The following RSPO3 variants were observed in gnomAD, a reference collection of about 807,000 sequenced individuals.
The protein encoded by RSPO3 is R-spondin 3.
RSPO3 carries 17 observed loss-of-function variants against 36.5 expected under a neutral mutation model. The ratio of observed to expected loss-of-function variants is 0.47; its 90% CI spans 0.32 to 0.70. RSPO3 has a LOEUF of 0.70. Among genes scored for constraint, RSPO3 ranks in the 30% least tolerant of loss-of-function variants. The pLI, the probability that RSPO3 is intolerant of heterozygous loss-of-function variation, is 0.04. For missense variants in RSPO3, 294 were observed against 322.5 expected (o/e 0.91, Z 0.68); for synonymous variants, 108 against 107.0 (o/e 1.01, Z -0.06).
intron 1 of RSPO3, among the ~76,000 whole-genome samples, chr6:127,128,503 G>C (rs1462834487): frequency 6.6e-6 from 1 of 152,080 alleles, no homozygotes; most frequent in East Asian, 1.9e-4. Context: ...GAGAAATATT[G>C]TAAGAGCCTT....
At chr6:127,138,683 A>T (rs747523996) in intron 1 of RSPO3, among the ~76,000 whole-genome samples, 5 of 152,174 alleles carry the variant, frequency 3.3e-5, no homozygotes, top group Non-Finnish European at 7.4e-5. Flanking sequence ...GTTACAGATG[A>T]GGAAACCTAG....
chr6:127,181,636 G>A (rs1004616531), intron 4 of RSPO3, among the ~76,000 whole-genome samples: 4 of 151,712 alleles, frequency 2.6e-5, no homozygotes, highest in Admixed American at 2.0e-4. Flanking sequence ...ATTAAGGGTG[G>A]GCAAGATGTA....
chr6:127,135,121 C>A (rs543732350), intron 1 of RSPO3, among the ~76,000 whole-genome samples: 1 of 152,200 alleles, frequency 6.6e-6, no homozygotes, highest in African/African-American at 2.4e-5. Flanking sequence ...ATCAGAGGCC[C>A]AATAAGATTG....
intron 4 of RSPO3, among the ~76,000 whole-genome samples, chr6:127,183,014 A>G (rs982777326): frequency 2.0e-5 from 3 of 151,944 alleles, no homozygotes; most frequent in Non-Finnish European, 4.4e-5. Flanking sequence ...CTCTTCCTCT[A>G]TTTCTCTTGT....
intron 1 of RSPO3, among the ~76,000 whole-genome samples, chr6:127,124,448 T>TTTGACTTG (rs1186522630): frequency 2.0e-4 from 31 of 152,102 alleles, no homozygotes; most frequent in African/African-American, 7.2e-4. Flanking sequence ...CAAGACAGTG[T>TTTGACTTG]GTTGAAATTA....
chr6:127,138,983 T>A (rs1322773565), intron 1 of RSPO3, among the ~76,000 whole-genome samples: 1 of 152,126 alleles, frequency 6.6e-6, no homozygotes, highest in Non-Finnish European at 1.5e-5. Flanking sequence ...CATTTCTGAA[T>A]GAGGTCACAA....
intron 4 of RSPO3, among the ~76,000 whole-genome samples, chr6:127,165,739 T>G (rs1246026274): frequency 4.6e-5 from 7 of 151,990 alleles, no homozygotes; most frequent in Non-Finnish European, 1.0e-4. Flanking sequence ...AAACTAATAT[T>G]TAATATTTGC....
chr6:127,144,589 C>T (rs946972582), intron 1 of RSPO3, among the ~76,000 whole-genome samples: 31 of 149,092 alleles, frequency 2.1e-4, no homozygotes, highest in Non-Finnish European at 4.4e-4. Context: ...TACCAAATGT[C>T]CCCTATTTTG....
Position 127,180,496 on chromosome 6 carries a change from A to C in RSPO3, c.635-15327A>C, listed in dbSNP as rs1388698847. Among the ~76,000 whole-genome samples, 31 of 148,372 alleles carry C rather than the reference A, an allele frequency of 2.1e-4. No individual in the cohort carries two copies. The East Asian group carries it at 5.4e-3, about 26-fold the overall frequency. On this transcript the variant is annotated intron_variant, in intron 4 of 4. Transcript: ENST00000356698. ...AATATCTGGAAGAAAACAAAAAAAA[A>C]AAAAAAAAAAAAAAAAAAACCACCA... is the stretch of plus-strand genomic sequence containing the variant.
chr6:127,189,010 ATAGAGCTTC>A (rs1582815891), intron 4 of RSPO3, among the ~76,000 whole-genome samples: 1 of 152,164 alleles, frequency 6.6e-6, no homozygotes, highest in East Asian at 1.9e-4. Context: ...CAGGGGTTGA[ATAGAGCTTC>A]TAGGCACCGT....
chr6:127,170,797 T>G (rs1774920487), intron 4 of RSPO3, among the ~76,000 whole-genome samples: 1 of 151,832 alleles, frequency 6.6e-6, no homozygotes, highest in African/African-American at 2.4e-5. Flanking sequence ...AAATACTATA[T>G]GATTTTACTT....
chr6:127,125,747 G>C (rs538126350), intron 1 of RSPO3, among the ~76,000 whole-genome samples: 1 of 152,066 alleles, frequency 6.6e-6, no homozygotes, highest in South Asian at 2.1e-4. Flanking sequence ...ATTTTTTATT[G>C]TCTGAAAACC....
rs1010198671 is a variant in RSPO3, at chr6:127,122,871, G to T, written c.97+3582G>T. 3.3e-5 allele frequency among the ~76,000 whole-genome samples: 5 copies of T among 151,898 alleles called. No homozygotes were observed. The East Asian group carries it at 9.6e-4, about 29-fold the overall frequency. On this transcript the variant is annotated intron_variant, in intron 1 of 4. Coordinates refer to ENST00000356698, the MANE Select transcript of RSPO3 (RefSeq NM_032784.5). Reference sequence around the variant, plus strand: ...CTATGGGATTATTCTGTGCCAGAAGGTTATTGTTAGAAACATCAGATGGCA... The same window carrying T: ...CTATGGGATTATTCTGTGCCAGAAGTTTATTGTTAGAAACATCAGATGGCA...
At chr6:127,150,717 C>CTTTAA (rs1231630667) in intron 3 of RSPO3, 145 bp downstream of exon 3, 1 of 673,242 alleles carries the variant, frequency 1.5e-6, no homozygotes, top group Admixed American at 3.2e-5. Context: ...CAAAGATACT[C>CTTTAA]TCTTAAAGGT....
At chr6:127,192,643 G>C (rs1317356801) in intron 4 of RSPO3, 13 of 985,120 alleles carry the variant, frequency 1.3e-5, no homozygotes, top group African/African-American at 1.7e-5. Flanking sequence ...CACCCTCATA[G>C]GTAGAACATC....
chr6:127,194,420 G>A (rs1174081623), intron 4 of RSPO3, among the ~76,000 whole-genome samples: 1 of 152,154 alleles, frequency 6.6e-6, no homozygotes, highest in African/African-American at 2.4e-5. Flanking sequence ...TTTGTTTACT[G>A]TAATATTGAT....
At chr6:127,164,689 G>C (rs1231615113) in intron 4 of RSPO3, among the ~76,000 whole-genome samples, 6 of 152,028 alleles carry the variant, frequency 3.9e-5, no homozygotes, top group Admixed American at 3.9e-4. Flanking sequence ...AAATGCACCA[G>C]TGTGGGCAAT....
intron 1 of RSPO3, among the ~76,000 whole-genome samples, chr6:127,130,247 C>T (rs1326667469): frequency 2.6e-5 from 4 of 152,072 alleles, no homozygotes; most frequent in Non-Finnish European, 5.9e-5. Context: ...GGCTTGGATA[C>T]CCAGAAAAGA....
At chr6:127,163,833 A>G (rs866372775) in intron 4 of RSPO3, among the ~76,000 whole-genome samples, 2 of 152,118 alleles carry the variant, frequency 1.3e-5, no homozygotes, top group South Asian at 4.1e-4. Context: ...AAAATGACAG[A>G]TCTCAAATTA....
Sources: allele counts gnomAD v4.1 joint callset (sites outside exome capture counted in the v4.1 genomes callset), GRCh38; gene constraint gnomAD v4.1.1; transcripts MANE v1.5; gene names NCBI Gene and HGNC (gene_info 2026-07-23, HGNC 2026-07-21).